Variants in DPY19L4 observed in about 807,000 individuals in gnomAD.
DPY19L4 encodes the protein probable C-mannosyltransferase DPY19L4.
In DPY19L4, 97 loss-of-function variants were observed where a neutral mutation model predicts 102.8. That is an observed-to-expected ratio of 0.94 (90% CI 0.80 to 1.12). The LOEUF (loss-of-function observed/expected upper bound fraction) is 1.12. Ranked by LOEUF, DPY19L4 falls within the 50% of genes most tolerant of loss-of-function variation. The pLI is 0.00. For synonymous variants in DPY19L4, 252 were observed against 283.1 expected (o/e 0.89, Z 1.10); for missense variants, 815 against 850.4 (o/e 0.96, Z 0.52).
intron 6 of DPY19L4, among the ~76,000 whole-genome samples, chr8:94,741,016 T>C (rs1811423317): frequency 6.6e-6 from 1 of 152,206 alleles, no homozygotes; most frequent in Admixed American, 6.5e-5. Flanking sequence ...TTGCATCCTG[T>C]GGTGTCATTT....
chr8:94,763,723 A>G (rs967545998), intron 8 of DPY19L4, among the ~76,000 whole-genome samples: 1 of 151,500 alleles, frequency 6.6e-6, no homozygotes, highest in Non-Finnish European at 1.5e-5. Context: ...AATGAGTTTC[A>G]TCATGTTGGC....
At chr8:94,728,732 C>T (rs928083338) in intron 2 of DPY19L4, among the ~76,000 whole-genome samples, 13 of 152,136 alleles carry the variant, frequency 8.5e-5, no homozygotes, top group African/African-American at 3.1e-4. Flanking sequence ...AATGAGATTG[C>T]AAAACAGAAT....
At chr8:94,778,383 G>A (rs1813280322) in intron 14 of DPY19L4, among the ~76,000 whole-genome samples, 1 of 152,138 alleles carries the variant, frequency 6.6e-6, no homozygotes, top group Non-Finnish European at 1.5e-5. Context: ...TTAGAACTAT[G>A]GTATATTTTC....
intron 11 of DPY19L4, among the ~76,000 whole-genome samples, chr8:94,767,607 T>C (rs917437739): frequency 6.6e-6 from 1 of 152,192 alleles, no homozygotes; most frequent in Non-Finnish European, 1.5e-5. Context: ...AGGAGTCTTG[T>C]TGATCATACT....
intron 6 of DPY19L4, among the ~76,000 whole-genome samples, chr8:94,746,474 A>G (rs1419264076): frequency 6.6e-6 from 1 of 152,248 alleles, no homozygotes; most frequent in Non-Finnish European, 1.5e-5. Flanking sequence ...ATACATTAGT[A>G]CAAGGGAATG....
intron 11 of DPY19L4, 74 bp downstream of exon 11, chr8:94,766,759 C>T (rs75591076): frequency 0.038 from 51,872 of 1,350,188 alleles, 1,160 homozygotes; most frequent in Middle Eastern, 0.055. Flanking sequence ...ACTCGATGGC[C>T]GGGCATAGTG....
intron 3 of DPY19L4, among the ~76,000 whole-genome samples, 199 bp downstream of exon 3, chr8:94,734,953 C>G (rs573235429): frequency 6.6e-6 from 1 of 152,268 alleles, no homozygotes; most frequent in Admixed American, 6.5e-5. Flanking sequence ...TGAGGGTGCT[C>G]CCCTTTCTGC....
rs778617391 is a variant in DPY19L4 at position 94,756,141 on chromosome 8, C to T, written c.717C>T (p.Asn239=). The T allele has an allele frequency of 6.2e-7, 1 of 1,613,536 alleles. No homozygotes were observed. The highest frequency in any genetic ancestry group is 2.2e-5 in the East Asian group (1 of 44,800). The change falls in exon 7 of 19, where the codon AAC becomes AAT. Residue 239 remains asparagine (N), a synonymous_variant. Transcript: ENST00000414645. ...CACTTACAGGCTATTTAAAAAGCAA[C>T]TTAAATACTTATGGAGAGGTAAGAT... ...IAALTGYLKS[N]LNTYGERFCY... is the part of the protein sequence containing the mutation.
chr8:94,781,080 T>G lies in DPY19L4; in HGVS notation c.1633-4T>G, dbSNP rs1813410049. The G allele has an allele frequency of 8.9e-6, 14 of 1,566,926 alleles. No individual in the cohort carries two copies. The highest frequency in any genetic ancestry group is 1.1e-5 in the Non-Finnish European group (13 of 1,165,068). ...GATTTTTTTTTTTTTTTTTTGCATT[T>G]TAGTTTTTTCCCAGATTAATGACAG... On this transcript the variant is annotated splice_region_variant and splice_polypyrimidine_tract_variant and intron_variant, in intron 15 of 18. Transcript: ENST00000414645.
intron 11 of DPY19L4, among the ~76,000 whole-genome samples, chr8:94,767,606 G>GT (rs1429639086): frequency 1.3e-5 from 2 of 152,056 alleles, no homozygotes; most frequent in Non-Finnish European, 2.9e-5. Context: ...GAGGAGTCTT[G>GT]TTGATCATAC....
intron 17 of DPY19L4, among the ~76,000 whole-genome samples, chr8:94,787,681 T>G (rs1182247007): frequency 6.6e-6 from 1 of 152,096 alleles, no homozygotes; most frequent in African/African-American, 2.4e-5. Context: ...AGAAAAATTA[T>G]AGTAAAAAGC....
chr8:94,763,299 A>T (rs1318342135), intron 8 of DPY19L4, among the ~76,000 whole-genome samples: 12 of 89,078 alleles, frequency 1.3e-4, no homozygotes, highest in Admixed American at 3.7e-4. Flanking sequence ...CTATTGACTG[A>T]TTTTTTTTCT....
intron 6 of DPY19L4, chr8:94,745,110 A>G (rs1328572023): frequency 2.6e-5 from 4 of 155,430 alleles, no homozygotes; most frequent in Non-Finnish European, 4.3e-5. Context: ...ATGGTATTTT[A>G]TGTTACTTGT....
At chr8:94,777,141 A>G (rs2130920229) in intron 13 of DPY19L4, among the ~76,000 whole-genome samples, 1 of 152,088 alleles carries the variant, frequency 6.6e-6, no homozygotes, top group East Asian at 1.9e-4. Flanking sequence ...ATCTCAGCTC[A>G]CTGCAACCTC....
At chr8:94,751,367 C>T (rs35249319) in intron 6 of DPY19L4, among the ~76,000 whole-genome samples, 15,757 of 152,148 alleles carry the variant, frequency 0.1, 919 homozygotes, top group Non-Finnish European at 0.13. Context: ...ATCCACCCGC[C>T]TCAGCCTCCC....
intron 1 of DPY19L4, among the ~76,000 whole-genome samples, chr8:94,725,545 T>C (rs1216435050): frequency 1.3e-5 from 2 of 152,212 alleles, no homozygotes; most frequent in Non-Finnish European, 1.5e-5. Context: ...TCTATAAGAT[T>C]GTACAATGCT....
chr8:94,743,701 C>G (rs549114071), intron 6 of DPY19L4, among the ~76,000 whole-genome samples: 1 of 151,856 alleles, frequency 6.6e-6, no homozygotes, highest in Non-Finnish European at 1.5e-5. Context: ...AAAATATAGA[C>G]TTTCTAAAAG....
chr8:94,727,240 T>C (rs1411652292), intron 2 of DPY19L4, among the ~76,000 whole-genome samples: 5 of 151,986 alleles, frequency 3.3e-5, no homozygotes. Context: ...ATTGATTGAT[T>C]GATTGATTTT....
chr8:94,748,329 GTAGGTAAACCT>G (rs1811768748), intron 6 of DPY19L4, among the ~76,000 whole-genome samples: 1 of 152,168 alleles, frequency 6.6e-6, no homozygotes, highest in Non-Finnish European at 1.5e-5. Flanking sequence ...GGTAGGGGTG[GTAGGTAAACCT>G]TTGGGAACGG....
Sources: allele counts gnomAD v4.1 joint callset (sites outside exome capture counted in the v4.1 genomes callset), GRCh38; gene constraint gnomAD v4.1.1; transcripts MANE v1.5; gene names NCBI Gene and HGNC (gene_info 2026-07-23, HGNC 2026-07-21).